Variants in SDAD1 observed in about 807,000 individuals in gnomAD.
SDAD1 encodes the protein protein SDA1 homolog.
A neutral mutation model predicts 100.3 loss-of-function variants in SDAD1; 79 were observed. That is an observed-to-expected ratio of 0.79 (90% confidence interval 0.66 to 0.95). SDAD1 has a LOEUF of 0.95. Ranked by LOEUF, SDAD1 falls within the 40% of genes least tolerant of loss-of-function variation. SDAD1 has a pLI of 0.00. For synonymous variants in SDAD1, 267 were observed against 271.4 expected (o/e 0.98, Z 0.16); for missense variants, 790 against 810.9 (o/e 0.97, Z 0.31).
Position 75,977,650 on chromosome 4 carries a change from C to A in SDAD1, c.401G>T (p.Arg134Leu). The A allele has an allele frequency of 6.3e-7, 1 of 1,596,062 alleles. No individual in the cohort carries two copies. Among genetic ancestry groups the A allele is most frequent in the South Asian group, 1.1e-5 (1 of 90,498 alleles). ...AATATTTGTTTTGCCCTTTACCTTT[C>A]GCAGAAGTTTATCATGGCAACGAAA... is the stretch of plus-strand genomic sequence containing the variant. The part of the protein sequence containing the change: ...ELFRCHDKLL[R>L]KTLYTHIVTD... Residue 134 changes from arginine (R) to leucine (L), a missense_variant, in exon 4 of 22, where the codon CGA (arginine) becomes CTA (leucine). By Grantham distance (102) the Arg-to-Leu change is moderately radical. Transcript: ENST00000356260.
chr4:75,958,451 A>C (rs1264539532), intron 17 of SDAD1, among the ~76,000 whole-genome samples: 1 of 152,244 alleles, frequency 6.6e-6, no homozygotes, highest in East Asian at 1.9e-4. Flanking sequence ...GGGATGTTAA[A>C]GAATCCTGAA....
At chr4:75,970,272 A>C in intron 10 of SDAD1, 37 bp downstream of exon 10, 3 of 1,543,338 alleles carry the variant, frequency 1.9e-6, no homozygotes, top group Non-Finnish European at 2.7e-6. Context: ...AGGCAGAGAT[A>C]AGGCCAACAA....
rs1172723192 is a variant in SDAD1, at chr4:75,971,427, A to C, written c.743T>G (p.Val248Gly). The change falls in exon 9 of 22, where the codon GTA becomes GGA. Residue 248 changes from valine (V) to glycine (G), a missense_variant. Coordinates refer to ENST00000356260, the MANE Select transcript of SDAD1 (RefSeq NM_018115.4). ...DDGPTARDLL[V>G]QYATGKKSSK... Reference sequence around the variant, plus strand: ...ACTTTTCTTCCCTGTAGCATATTGTACTAGCAGGTCTCTTGCTGTTGGTCC... The same window carrying C: ...ACTTTTCTTCCCTGTAGCATATTGTCCTAGCAGGTCTCTTGCTGTTGGTCC... 1 of 1,614,000 alleles carries C rather than the reference A, an allele frequency of 6.2e-7. No individual in the cohort carries two copies. The highest frequency in any genetic ancestry group is 8.5e-7 in the Non-Finnish European group (1 of 1,179,948).
At chr4:75,981,152 C>A (rs987295057) in intron 3 of SDAD1, among the ~76,000 whole-genome samples, 2 of 152,146 alleles carry the variant, frequency 1.3e-5, no homozygotes, top group Non-Finnish European at 2.9e-5. Context: ...GAAACACAGG[C>A]TGGAAGCAGA....
intron 4 of SDAD1, among the ~76,000 whole-genome samples, chr4:75,977,101 A>G (rs1730197994): frequency 6.6e-6 from 1 of 152,172 alleles, no homozygotes; most frequent in Non-Finnish European, 1.5e-5. Context: ...AAGTTTCTCC[A>G]TCTTAAATTT....
intron 1 of SDAD1, among the ~76,000 whole-genome samples, chr4:75,985,954 C>CATTTTA (rs1388661875): frequency 2.6e-5 from 4 of 152,138 alleles, no homozygotes; most frequent in African/African-American, 9.7e-5. Context: ...CATGATCAAT[C>CATTTTA]ATTATAATCA....
intron 4 of SDAD1, 75 bp from the exon 5 acceptor site, chr4:75,976,070 A>G: frequency 1.1e-6 from 1 of 880,376 alleles, no homozygotes; most frequent in Non-Finnish European, 1.8e-6. Context: ...GGAGAACAGT[A>G]TGAATGTACA....
At chr4:75,950,927 A>G in intron 21 of SDAD1, 130 bp from the exon 22 acceptor site, 1 of 562,336 alleles carries the variant, frequency 1.8e-6, no homozygotes, top group Admixed American at 3.0e-5. Flanking sequence ...TAAATGATAA[A>G]ATATTCCAAA....
At chr4:75,973,528 T>G (rs1215387190) in intron 7 of SDAD1, 137 bp from the exon 8 acceptor site, 4 of 627,464 alleles carry the variant, frequency 6.4e-6, no homozygotes, top group Non-Finnish European at 1.1e-5. Context: ...TTTTTGTTCA[T>G]TTTTTCTTAA....
chr4:75,956,914 A>G (rs1461637185), intron 20 of SDAD1, among the ~76,000 whole-genome samples: 1 of 152,210 alleles, frequency 6.6e-6, no homozygotes, highest in African/African-American at 2.4e-5. Context: ...GTTTGAGACC[A>G]GCCTGGCCAA....
rs145274078 is a variant in SDAD1, at chr4:75,957,377, C to A, written c.1802G>T (p.Arg601Leu). 1.2e-6 allele frequency: 2 copies of A among 1,614,012 alleles called. No individual in the cohort carries two copies. The highest frequency in any genetic ancestry group is 1.7e-6 in the Non-Finnish European group (2 of 1,179,980). The stretch of plus-strand genomic sequence containing the variant: ...GTCAGACTTTGGCTTTTTATGAAGG[C>A]GTTCAATGTCCCGAAGAGAAAGTAA... ...GELLSLRDIE[R>L]LHKKPKSDKE... The change falls in exon 20 of 22, where the codon CGC (arginine) becomes CTC (leucine). Residue 601 changes from arginine (R) to leucine (L), a missense_variant. By Grantham distance (102) the Arg-to-Leu change is moderately radical. Coordinates refer to ENST00000356260, the MANE Select transcript of SDAD1 (RefSeq NM_018115.4).
chr4:75,975,248 A>G (rs574700343), intron 6 of SDAD1, among the ~76,000 whole-genome samples: 17 of 152,304 alleles, frequency 1.1e-4, no homozygotes, highest in African/African-American at 3.8e-4. Flanking sequence ...ATGTTAGTCA[A>G]TAAGAAAAGC....
chr4:75,965,841 A>G lies in SDAD1; in HGVS notation c.1046-19T>C. On this transcript the variant is annotated intron_variant, in intron 12 of 21. Transcript: ENST00000356260. ...GTTACTTCTGAAAACATAAGAGAAC[A>G]GAAAGGTCATGGTCAGTGTATCACC... 1 of 1,611,274 alleles carries G rather than the reference A, an allele frequency of 6.2e-7. No homozygotes were observed. The highest frequency in any genetic ancestry group is 8.5e-7 in the Non-Finnish European group (1 of 1,177,904).
chr4:75,980,094 T>C (rs1298324612), intron 3 of SDAD1, among the ~76,000 whole-genome samples: 1 of 152,136 alleles, frequency 6.6e-6, no homozygotes, highest in African/African-American at 2.4e-5. Context: ...AGCCATTAAG[T>C]CTCTATACTC....
chr4:75,951,032 A>G (rs1370844835), intron 21 of SDAD1, among the ~76,000 whole-genome samples: 1 of 152,216 alleles, frequency 6.6e-6, no homozygotes, highest in African/African-American at 2.4e-5. Flanking sequence ...GCATAAGCTC[A>G]AAACAGGAGC....
chr4:75,978,145 A>C (rs1185919165), intron 3 of SDAD1, among the ~76,000 whole-genome samples: 1 of 152,088 alleles, frequency 6.6e-6, no homozygotes, highest in Non-Finnish European at 1.5e-5. Flanking sequence ...GGAATAATCA[A>C]TGAGAGTTTA....
intron 14 of SDAD1, among the ~76,000 whole-genome samples, chr4:75,962,560 A>G (rs1385114613): frequency 3.9e-5 from 6 of 152,046 alleles, no homozygotes; most frequent in Non-Finnish European, 5.9e-5. Flanking sequence ...TCCAGCACCT[A>G]TCGTTTCCTG....
At chr4:75,988,588 T>C (rs1731041374) in intron 1 of SDAD1, among the ~76,000 whole-genome samples, 1 of 152,220 alleles carries the variant, frequency 6.6e-6, no homozygotes, top group Admixed American at 6.5e-5. Flanking sequence ...CATACTATAT[T>C]ATTTGTTACT....
In SDAD1 at chr4:75,964,131, A is replaced by G. The variant is rs369931414; in HGVS notation, c.1181+4T>C. 1.3e-5 allele frequency: 21 copies of G among 1,598,898 alleles called. No homozygotes were observed. Among genetic ancestry groups the G allele is most frequent in the Non-Finnish European group, 1.6e-5 (19 of 1,168,006 alleles). On this transcript the variant is annotated splice_donor_region_variant and intron_variant, in intron 14 of 21. Transcript: ENST00000356260. ...TCTTCTGCCTCCAACCAGATTCTACATACCCTACTGTCATGACTTCTCCAG... is the reference window on the plus strand; with the variant it reads ...TCTTCTGCCTCCAACCAGATTCTACGTACCCTACTGTCATGACTTCTCCAG...
Sources: allele counts gnomAD v4.1 joint callset (sites outside exome capture counted in the v4.1 genomes callset), GRCh38; gene constraint gnomAD v4.1.1; transcripts MANE v1.5; gene names NCBI Gene and HGNC (gene_info 2026-07-23, HGNC 2026-07-21).